NIM1K: variants seen among roughly 807,000 people sequenced by gnomAD.
The protein encoded by NIM1K is serine/threonine-protein kinase NIM1.
Under a neutral mutation model 37.1 loss-of-function variants are expected in NIM1K, and 35 were observed. That is an observed-to-expected ratio of 0.94 (90% confidence interval 0.72 to 1.25). NIM1K has a LOEUF of 1.25. Ranked by LOEUF, NIM1K falls within the 50% of genes most tolerant of loss-of-function variation. The probability of loss-of-function intolerance (pLI) is 0.00; values close to 1 mark genes in which losing one functional copy is unlikely to be tolerated. For missense variants in NIM1K, 564 were observed against 548.0 expected (o/e 1.03, Z -0.29); for synonymous variants, 234 against 206.6 (o/e 1.13, Z -1.14).
At position 43,202,280 on chromosome 5, in the gene NIM1K, C is replaced by T. The variant is rs141129962; in HGVS notation, c.-695+9869C>T. Among the ~76,000 whole-genome samples the T allele has an allele frequency of 5.2e-3, 789 of 152,226 alleles. 2 individuals carry two copies. The highest frequency in any genetic ancestry group is 0.018 in the African/African-American group (758 of 41,522). On this transcript the variant is annotated intron_variant, in intron 1 of 3. Transcript: ENST00000326035. ...TTCACTGTAGCCTCAAACCCCTGGG[C>T]TCAAGAGATCCTTTCTCCTCAGCCT...
intron 1 of NIM1K, chr5:43,232,144 T>C: frequency 1.0e-6 from 1 of 999,660 alleles, no homozygotes; most frequent in Non-Finnish European, 1.5e-6. Flanking sequence ...AACCACAAAT[T>C]AGATGATACA....
intron 2 of NIM1K, among the ~76,000 whole-genome samples, chr5:43,258,022 A>C (rs1752972350): frequency 6.6e-6 from 1 of 152,180 alleles, no homozygotes; most frequent in African/African-American, 2.4e-5. Context: ...GAAAAGACCC[A>C]TGGAAGCACC....
In NIM1K at chr5:43,277,378, G is replaced by A. The variant is rs75909211; in HGVS notation, c.561+53G>A. On this transcript the variant is annotated intron_variant, in intron 3 of 3. Coordinates refer to ENST00000326035, the MANE Select transcript of NIM1K (RefSeq NM_153361.4). ...TGCTCCCATTGCACTGACACTGGGA[G>A]CACAGGGCTTTAGGTTACTAACCCT... is the stretch of plus-strand genomic sequence containing the variant. The A allele has an allele frequency of 1.3e-3, 2,084 of 1,571,870 alleles. 23 individuals carry two copies. In the African/African-American group the frequency reaches 0.025, roughly 19 times the overall value.
intron 1 of NIM1K, among the ~76,000 whole-genome samples, chr5:43,234,338 A>G (rs1427977003): frequency 6.6e-6 from 1 of 151,828 alleles, no homozygotes; most frequent in Non-Finnish European, 1.5e-5. Flanking sequence ...TACAAATATT[A>G]TATTTTTTGA....
intron 1 of NIM1K, chr5:43,232,863 A>G: frequency 9.2e-7 from 1 of 1,082,348 alleles, no homozygotes; most frequent in Non-Finnish European, 1.4e-6. Context: ...GCCTTCAGGC[A>G]TAGTTACTGG....
At chr5:43,242,449 C>G (rs1250051680) in intron 1 of NIM1K, among the ~76,000 whole-genome samples, 1 of 149,186 alleles carries the variant, frequency 6.7e-6, no homozygotes, top group Non-Finnish European at 1.5e-5. Context: ...TTCAAAGGGG[C>G]AGGGATGGGG....
At chr5:43,255,550 G>A (rs1752930317) in intron 2 of NIM1K, among the ~76,000 whole-genome samples, 1 of 152,034 alleles carries the variant, frequency 6.6e-6, no homozygotes, top group African/African-American at 2.4e-5. Context: ...AGAGATGGAG[G>A]CCATCCTGGC....
At chr5:43,240,691 T>A (rs1752687677) in intron 1 of NIM1K, among the ~76,000 whole-genome samples, 1 of 151,728 alleles carries the variant, frequency 6.6e-6, no homozygotes, top group South Asian at 2.1e-4. Flanking sequence ...TGTGCCGCCA[T>A]GCCTGGCTAA....
chr5:43,204,022 A>G (rs1199006106), intron 1 of NIM1K, among the ~76,000 whole-genome samples: 1 of 147,724 alleles, frequency 6.8e-6, no homozygotes, highest in African/African-American at 2.5e-5. Flanking sequence ...GTTAAACTCC[A>G]TCTCCAAAAA....
At chr5:43,268,294 A>G (rs1217796415) in intron 2 of NIM1K, among the ~76,000 whole-genome samples, 1 of 152,246 alleles carries the variant, frequency 6.6e-6, no homozygotes, top group Non-Finnish European at 1.5e-5. Flanking sequence ...ATGCAAGGCC[A>G]GTCATGCCAT....
intron 1 of NIM1K, among the ~76,000 whole-genome samples, chr5:43,217,459 CAAAAAA>C (rs35739990): frequency 1.1e-5 from 1 of 93,742 alleles, no homozygotes; most frequent in Non-Finnish European, 2.1e-5. Context: ...TGTGGACATG[CAAAAAA>C]AAAAAAAAAA....
chr5:43,263,114 G>C (rs142752922), intron 2 of NIM1K, among the ~76,000 whole-genome samples: 6 of 152,090 alleles, frequency 3.9e-5, no homozygotes, highest in Admixed American at 3.9e-4. Flanking sequence ...TTAGGATGTT[G>C]CTGGCCTCAT....
chr5:43,271,141 T>C (rs1229187550), intron 2 of NIM1K, among the ~76,000 whole-genome samples: 3 of 152,104 alleles, frequency 2.0e-5, no homozygotes, highest in Non-Finnish European at 1.5e-5. Context: ...TTAATTTATA[T>C]ATGTGAAATA....
intron 1 of NIM1K, among the ~76,000 whole-genome samples, chr5:43,199,167 A>C (rs1481251024): frequency 7.7e-6 from 1 of 129,356 alleles, no homozygotes; most frequent in Non-Finnish European, 1.6e-5. Context: ...CAGCCTGGGC[A>C]ACAAGAGTGA....
At chr5:43,240,481 A>T (rs780845985) in intron 1 of NIM1K, 1 of 151,744 alleles carries the variant, frequency 6.6e-6, no homozygotes. Context: ...CCCCTGTCCA[A>T]CAAGTCCCTT....
chr5:43,266,905 T>C (rs1282312306), intron 2 of NIM1K, among the ~76,000 whole-genome samples: 1 of 152,248 alleles, frequency 6.6e-6, no homozygotes, highest in Admixed American at 6.5e-5. Flanking sequence ...TATTGATCTG[T>C]AGTTTTCTTT....
At chr5:43,257,833 G>A (rs1752969038) in intron 2 of NIM1K, among the ~76,000 whole-genome samples, 1 of 151,780 alleles carries the variant, frequency 6.6e-6, no homozygotes, top group East Asian at 1.9e-4. Context: ...ACTGAGCTGG[G>A]AGGACTGCTT....
At chr5:43,207,401 G>A (rs1188371177) in intron 1 of NIM1K, 17 of 859,928 alleles carry the variant, frequency 2.0e-5, no homozygotes, top group African/African-American at 1.2e-4. Flanking sequence ...AACGTGTGGC[G>A]ATGTCTTAGA....
At position 43,245,334 on chromosome 5, in the gene NIM1K, A is replaced by G. The variant is rs547756865; in HGVS notation, c.-442A>G. 1 of 154,142 alleles carries G rather than the reference A, an allele frequency of 6.5e-6. No individual in the cohort carries two copies. Among genetic ancestry groups the G allele is most frequent in the African/African-American group, 2.4e-5 (1 of 41,574 alleles). 9.5% of individuals were successfully genotyped at this position (154,142 alleles called of 1,614,324 possible). ...CGCAGCAGGGACGTGGGGGCCTCCC[A>G]GGGGCATTTACGCACCAGAGTGCAA... On this transcript the variant is annotated 5_prime_UTR_variant, in exon 2 of 4. Transcript: ENST00000326035.
Sources: allele counts gnomAD v4.1 joint callset (sites outside exome capture counted in the v4.1 genomes callset), GRCh38; gene constraint gnomAD v4.1.1; transcripts MANE v1.5; gene names NCBI Gene and HGNC (gene_info 2026-07-23, HGNC 2026-07-21).